The following NEBL variants were observed in gnomAD, a reference collection of about 807,000 sequenced individuals.
The protein encoded by NEBL is LIM and SH3 protein 2.
A neutral mutation model predicts 140.2 loss-of-function variants in NEBL; 122 were observed. That is an observed-to-expected ratio of 0.87 (90% CI 0.75 to 1.01). The LOEUF (loss-of-function observed/expected upper bound fraction) is 1.01, where lower values mean the gene tolerates loss of function less well. Among genes scored for constraint, NEBL ranks in the 50% least tolerant of loss-of-function variants. The probability of loss-of-function intolerance (pLI) is 0.00; values close to 1 mark genes in which losing one functional copy is unlikely to be tolerated. For synonymous variants in NEBL, 436 were observed against 398.9 expected (o/e 1.09, Z -1.11); for missense variants, 1,365 against 1,231.3 (o/e 1.11, Z -1.62).
rs531508539 is a variant in NEBL, at chr10:21,034,058, TA to T, written c.165-13858del. 4.7e-5 allele frequency among the ~76,000 whole-genome samples: 7 copies of T among 149,088 alleles called. No homozygotes were observed. The South Asian group carries it at 1.5e-3, about 31-fold the overall frequency. ...GGCACACACCTGTAGTCTCAGCTACTAGGGGGGCTGAGGTGGAAGGATTGCT... is the reference window on the plus strand; with the variant it reads ...GGCACACACCTGTAGTCTCAGCTACTGGGGGGCTGAGGTGGAAGGATTGCT... On this transcript the variant is annotated intron_variant, in intron 2 of 6. Transcript: ENST00000417816.
intron 3 of NEBL, among the ~76,000 whole-genome samples, chr10:20,973,978 C>A (rs973834278): frequency 2.6e-5 from 4 of 152,198 alleles, no homozygotes; most frequent in South Asian, 2.1e-4. Flanking sequence ...GGATTTTATA[C>A]CCCAGTATCC....
intron 2 of NEBL, among the ~76,000 whole-genome samples, chr10:21,128,871 A>G (rs908545277): frequency 6.6e-6 from 1 of 152,222 alleles, no homozygotes; most frequent in African/African-American, 2.4e-5. Flanking sequence ...ACAGCATGAA[A>G]GAAGGACATA....
At position 21,129,751 on chromosome 10, in the gene NEBL, A is replaced by G. The variant is rs564354373; in HGVS notation, c.164+42632T>C. Among the ~76,000 whole-genome samples, 4 of 152,296 alleles carry G rather than the reference A, an allele frequency of 2.6e-5. 1 individual carries two copies. Among genetic ancestry groups the G allele is most frequent in the South Asian group, 4.1e-4 (2 of 4,832 alleles). ...TACTTTAAAAAGCAGTATAATGGAT[A>G]TGCTAAGAAAGGAGAGAAAATAGAA... is the stretch of plus-strand genomic sequence containing the variant. On this transcript the variant is annotated intron_variant, in intron 2 of 6. Transcript: ENST00000417816.
chr10:20,832,427 G>GC (rs1554780414), intron 14 of NEBL, among the ~76,000 whole-genome samples: 4 of 148,644 alleles, frequency 2.7e-5, no homozygotes, highest in African/African-American at 4.9e-5. Flanking sequence ...AGTTATCTCT[G>GC]TTTTTTTTTT....
intron 2 of NEBL, among the ~76,000 whole-genome samples, chr10:21,055,725 T>A (rs935420566): frequency 1.3e-5 from 2 of 152,186 alleles, no homozygotes; most frequent in African/African-American, 2.4e-5. Flanking sequence ...AACTGCAATT[T>A]ACACAACTCC....
chr10:21,269,673 T>C (rs991386767), intron 1 of NEBL, among the ~76,000 whole-genome samples: 1 of 152,234 alleles, frequency 6.6e-6, no homozygotes, highest in African/African-American at 2.4e-5. Flanking sequence ...TATAATTGCA[T>C]CAGGCTGTCC....
At chr10:21,051,895 T>G (rs534811171) in intron 2 of NEBL, among the ~76,000 whole-genome samples, 1 of 152,016 alleles carries the variant, frequency 6.6e-6, no homozygotes, top group South Asian at 2.1e-4. Flanking sequence ...CCTATGAGGG[T>G]GTGGTGGTGT....
chr10:20,819,489 C>T lies in NEBL; in HGVS notation c.1990G>A (p.Ala664Thr). ...NLQYKEQNYK[A>T]TPVSMTPEIE... is the part of the protein sequence containing the mutation. ...TCCGGGGTCATGCTTACCGGAGTGG[C>T]CTTGTAGTTTTGCTCTTTATACTGG... The change falls in exon 20 of 28, where the codon GCC becomes ACC. Residue 664 changes from alanine (A) to threonine (T), a missense_variant. By Grantham distance (58) the Ala-to-Thr change is moderately conservative (BLOSUM62 0). Transcript: ENST00000377122. 1 of 1,614,006 alleles carries T rather than the reference C, an allele frequency of 6.2e-7. No individual in the cohort carries two copies. Among genetic ancestry groups the T allele is most frequent in the Non-Finnish European group, 8.5e-7 (1 of 1,179,926 alleles).
intron 2 of NEBL, among the ~76,000 whole-genome samples, chr10:21,249,072 AG>A (rs1031298269): frequency 1.3e-5 from 2 of 152,032 alleles, no homozygotes; most frequent in African/African-American, 4.8e-5. Flanking sequence ...TCTATCACCC[AG>A]GCTGGAGTGC....
chr10:21,165,384 T>A (rs983921664), intron 2 of NEBL, among the ~76,000 whole-genome samples: 1 of 152,158 alleles, frequency 6.6e-6, no homozygotes, highest in Admixed American at 6.5e-5. Context: ...AATTCAGGCT[T>A]AATGAACCCT....
chr10:21,242,214 A>G (rs112410919), intron 3 of NEBL, among the ~76,000 whole-genome samples: 2 of 151,270 alleles, frequency 1.3e-5, no homozygotes, highest in South Asian at 2.1e-4. Context: ...CAAAAGGAAA[A>G]AAAAGAAAAG....
chr10:20,968,129 A>C, intron 3 of NEBL, among the ~76,000 whole-genome samples: 1 of 152,306 alleles, frequency 6.6e-6, no homozygotes, highest in Non-Finnish European at 1.5e-5. Flanking sequence ...GGCTGTTTAC[A>C]CCAGCAAACA....
At chr10:21,264,696 TAAAAAAAAAAAA>T (rs71392177) in intron 1 of NEBL, among the ~76,000 whole-genome samples, 36 of 30,724 alleles carry the variant, frequency 1.2e-3, no homozygotes, top group Non-Finnish European at 1.3e-3. Context: ...AGTTGCTATT[TAAAAAAAAAAAA>T]AAAAAAAAAA....
intron 3 of NEBL, among the ~76,000 whole-genome samples, chr10:21,216,845 G>A (rs914201288): frequency 8.6e-5 from 13 of 151,820 alleles, no homozygotes; most frequent in East Asian, 5.8e-4. Flanking sequence ...AAAATTAGCC[G>A]GGTGTGGTGG....
chr10:20,800,209 T>C (rs1366768275), intron 26 of NEBL, among the ~76,000 whole-genome samples: 1 of 151,512 alleles, frequency 6.6e-6, no homozygotes, highest in Non-Finnish European at 1.5e-5. Flanking sequence ...CACATATAAG[T>C]GGGATCATGC....
intron 1 of NEBL, among the ~76,000 whole-genome samples, chr10:21,289,306 T>C (rs996947822): frequency 2.0e-5 from 3 of 152,144 alleles, no homozygotes; most frequent in African/African-American, 7.2e-5. Flanking sequence ...CAACTCAGTA[T>C]TCACGGAGAT....
In NEBL at chr10:20,887,411, C is replaced by CTTTTT. The variant is rs36034071; in HGVS notation, c.369+681_369+685dup. Among the ~76,000 whole-genome samples, 38 of 80,648 alleles carry CTTTTT rather than the reference C, an allele frequency of 4.7e-4. 1 individual carries two copies. The highest frequency in any genetic ancestry group is 1.6e-3 in the African/African-American group (33 of 20,394). 52.9% of individuals were successfully genotyped at this position (80,648 alleles called of 152,430 possible). ...CAGATCTGTGGATCCTGAATTCAAC[C>CTTTTT]TTTTTTTTTTTTTTTTTTTTTTTTT... is the stretch of plus-strand genomic sequence containing the variant. On this transcript the variant is annotated intron_variant, in intron 4 of 27. Coordinates refer to ENST00000377122, the MANE Select transcript of NEBL (RefSeq NM_006393.3).
chr10:20,890,698 C>T (rs957256974), intron 2 of NEBL, among the ~76,000 whole-genome samples: 2 of 152,216 alleles, frequency 1.3e-5, no homozygotes, highest in Non-Finnish European at 2.9e-5. Flanking sequence ...AGTCAAATGA[C>T]TCACTCTCTT....
chr10:20,977,144 G>C (rs1836838212), intron 3 of NEBL, among the ~76,000 whole-genome samples: 1 of 152,140 alleles, frequency 6.6e-6, no homozygotes, highest in Admixed American at 6.5e-5. Flanking sequence ...CTAAATGCCA[G>C]CATCTACCTT....
Sources: gnomAD v4.1 joint callset for allele counts (sites outside exome capture counted in the v4.1 genomes callset) on GRCh38, gnomAD v4.1.1 for gene constraint, MANE v1.5 for transcripts, NCBI Gene and HGNC (gene_info 2026-07-23, HGNC 2026-07-21) for gene names.